RSPO4: variants seen among roughly 807,000 people sequenced by gnomAD.
The protein encoded by RSPO4 is R-spondin-4.
A neutral mutation model predicts 24.8 loss-of-function variants in RSPO4; 23 were observed. The ratio of observed to expected loss-of-function variants is 0.93; its 90% CI spans 0.67 to 1.31. The LOEUF is 1.31. Ranked by LOEUF, RSPO4 falls within the 40% of genes most tolerant of loss-of-function variation. RSPO4 has a pLI of 0.00. For synonymous variants in RSPO4, 141 were observed against 127.4 expected (o/e 1.11, Z -0.72); for missense variants, 333 against 316.5 (o/e 1.05, Z -0.39).
At chr20:971,405 A>G (rs1053825821) in intron 1 of RSPO4, among the ~76,000 whole-genome samples, 2 of 152,268 alleles carry the variant, frequency 1.3e-5, no homozygotes, top group South Asian at 4.1e-4. Flanking sequence ...AGAAAGAGAC[A>G]AAGATATTTA....
intron 1 of RSPO4, among the ~76,000 whole-genome samples, chr20:992,501 G>A (rs1350098230): frequency 1.3e-5 from 2 of 151,978 alleles, no homozygotes; most frequent in African/African-American, 2.4e-5. Flanking sequence ...CATCAGGCTC[G>A]AACGTTCTGT....
Position 970,231 on chromosome 20 carries a change from C to A in RSPO4, c.80-2093G>T, listed in dbSNP as rs540759550. On this transcript the variant is annotated intron_variant, in intron 1 of 4. Coordinates refer to ENST00000217260, the MANE Select transcript of RSPO4 (RefSeq NM_001029871.4). The surrounding 1 kb of genome is among the most constrained non-coding windows in gnomAD (Gnocchi z 4.1). ...GTGGAGGCAGGGCAGGCTCTCTGCC[C>A]AGCCCTGGCTGAGGCCTTTCTCTCT... 6.6e-6 allele frequency among the ~76,000 whole-genome samples: 1 copy of A among 152,080 alleles called. No individual in the cohort carries two copies. Among genetic ancestry groups the A allele is most frequent in the South Asian group, 2.1e-4 (1 of 4,816 alleles).
intron 1 of RSPO4, among the ~76,000 whole-genome samples, chr20:977,798 T>G (rs79456195): frequency 2.1e-3 from 326 of 152,218 alleles, no homozygotes; most frequent in Non-Finnish European, 3.4e-3. Context: ...GCTCTGTCCT[T>G]GGGGAGGACC....
At chr20:983,262 T>C (rs1035588154) in intron 1 of RSPO4, among the ~76,000 whole-genome samples, 200 of 152,340 alleles carry the variant, frequency 1.3e-3, no homozygotes, top group African/African-American at 4.8e-3. Flanking sequence ...ACCTGGAGCT[T>C]CCAAGGGGTG....
At chr20:978,515 CCATT>C (rs757110651) in intron 1 of RSPO4, among the ~76,000 whole-genome samples, 1 of 152,166 alleles carries the variant, frequency 6.6e-6, no homozygotes, top group Non-Finnish European at 1.5e-5. Flanking sequence ...CCCATTATGC[CCATT>C]CATTATTTCT....
intron 1 of RSPO4, among the ~76,000 whole-genome samples, chr20:982,230 C>T (rs545702281): frequency 6.6e-6 from 1 of 152,284 alleles, no homozygotes; most frequent in South Asian, 2.1e-4. Flanking sequence ...GCCAGGAACA[C>T]AGAACTGTCA....
At chr20:988,904 C>T (rs1985006036) in intron 1 of RSPO4, among the ~76,000 whole-genome samples, 1 of 152,328 alleles carries the variant, frequency 6.6e-6, no homozygotes, top group African/African-American at 2.4e-5. Flanking sequence ...GTGTCTACCC[C>T]ACAGCCTCCT....
chr20:984,108 C>T (rs555638768), intron 1 of RSPO4, among the ~76,000 whole-genome samples: 5 of 152,184 alleles, frequency 3.3e-5, no homozygotes, highest in South Asian at 2.1e-4. Flanking sequence ...GAGGCTGAGG[C>T]GGGTGGATCA....
At chr20:982,508 T>C (rs1984770449) in intron 1 of RSPO4, among the ~76,000 whole-genome samples, 1 of 152,214 alleles carries the variant, frequency 6.6e-6, no homozygotes, top group Non-Finnish European at 1.5e-5. Flanking sequence ...AAAAAGTTGC[T>C]GACAGGCACT....
chr20:966,890 T>C (rs1269714285), intron 3 of RSPO4, among the ~76,000 whole-genome samples: 1 of 152,076 alleles, frequency 6.6e-6, no homozygotes, highest in African/African-American at 2.4e-5. Flanking sequence ...AACAAACAAA[T>C]AAACATCAGC....
intron 1 of RSPO4, among the ~76,000 whole-genome samples, chr20:973,948 G>A (rs1984487354): frequency 6.6e-6 from 1 of 152,076 alleles, no homozygotes; most frequent in Non-Finnish European, 1.5e-5. Context: ...TTGACTTCCG[G>A]TAGCCTGTCT....
chr20:997,010 A>G (rs1985311457), intron 1 of RSPO4, among the ~76,000 whole-genome samples: 1 of 152,218 alleles, frequency 6.6e-6, no homozygotes, highest in Non-Finnish European at 1.5e-5. Context: ...TATCTATTGC[A>G]CGGGCTTCGG....
intron 4 of RSPO4, among the ~76,000 whole-genome samples, chr20:962,067 T>C (rs1158904571): frequency 6.6e-6 from 1 of 152,190 alleles, no homozygotes; most frequent in East Asian, 1.9e-4. Context: ...ATTAACTGGA[T>C]ACCGACTATG....
intron 1 of RSPO4, among the ~76,000 whole-genome samples, chr20:996,500 G>A (rs1985294934): frequency 6.6e-6 from 1 of 152,230 alleles, no homozygotes; most frequent in African/African-American, 2.4e-5. Context: ...GTGTTGAGGT[G>A]CAGCCTCAGA....
At position 960,489 on chromosome 20, in the gene RSPO4, G is replaced by A. The variant is rs374615663; in HGVS notation, c.596-23C>T. The A allele has an allele frequency of 4.3e-5, 65 of 1,515,076 alleles. 1 individual carries two copies. The East Asian group carries it at 5.1e-4, about 12-fold the overall frequency. 93.9% of individuals were successfully genotyped at this position (1,515,076 alleles called of 1,614,324 possible). A position where few individuals can be genotyped will look rare whatever the true frequency, so the allele number is the denominator to read the frequency against. On this transcript the variant is annotated intron_variant, in intron 4 of 4. Coordinates refer to ENST00000217260, the MANE Select transcript of RSPO4 (RefSeq NM_001029871.4). The stretch of plus-strand genomic sequence containing the variant: ...TCTCTGCAATGAGAGGACAGAGCCC[G>A]GTGACCAAGGCTGCAGGGCCAGTTA...
intron 1 of RSPO4, among the ~76,000 whole-genome samples, chr20:978,972 A>T (rs374432773): frequency 6.6e-6 from 1 of 152,084 alleles, no homozygotes; most frequent in South Asian, 2.1e-4. Context: ...CAAAATGGAA[A>T]CTTTTCATCC....
At chr20:974,925 A>C (rs1024449179) in intron 1 of RSPO4, among the ~76,000 whole-genome samples, 3 of 152,166 alleles carry the variant, frequency 2.0e-5, no homozygotes, top group South Asian at 2.1e-4. Context: ...CGACTAATAC[A>C]GAAGTAGAGA....
chr20:960,959 G>A (rs1389528738), intron 4 of RSPO4, among the ~76,000 whole-genome samples: 1 of 152,204 alleles, frequency 6.6e-6, no homozygotes, highest in Admixed American at 6.5e-5. Flanking sequence ...AGCCCCAAGT[G>A]CTTTATGTAT....
intron 1 of RSPO4, among the ~76,000 whole-genome samples, chr20:979,503 A>G (rs1422097076): frequency 6.6e-6 from 1 of 152,184 alleles, no homozygotes; most frequent in African/African-American, 2.4e-5. Flanking sequence ...CTTTTCCTCC[A>G]AAACAAACCT....
Sources: allele counts gnomAD v4.1 joint callset (sites outside exome capture counted in the v4.1 genomes callset), GRCh38; gene constraint gnomAD v4.1.1; non-coding constraint Gnocchi (gnomAD v3.1); transcripts MANE v1.5; gene names NCBI Gene and HGNC (gene_info 2026-07-23, HGNC 2026-07-21).